The following NPR3 variants were observed in gnomAD, a reference collection of about 807,000 sequenced individuals.
The protein encoded by NPR3 is natriuretic peptide receptor 3.
NPR3 carries 34 observed loss-of-function variants against 54.5 expected under a neutral mutation model. That is an observed-to-expected ratio of 0.62 (90% confidence interval 0.47 to 0.83). The LOEUF (loss-of-function observed/expected upper bound fraction) is 0.83. Among genes scored for constraint, NPR3 ranks in the 40% least tolerant of loss-of-function variants. The pLI, the probability that NPR3 is intolerant of heterozygous loss-of-function variation, is 0.00. For synonymous variants in NPR3, 289 were observed against 297.1 expected (o/e 0.97, Z 0.28); for missense variants, 674 against 720.8 (o/e 0.94, Z 0.74).
At chr5:32,732,247 CAAAAAAAAAAAAAAA>C (rs34564234) in intron 2 of NPR3, among the ~76,000 whole-genome samples, 2 of 32,986 alleles carry the variant, frequency 6.1e-5, no homozygotes, top group Non-Finnish European at 1.2e-4. Context: ...GACTCCGTCT[CAAAAAAAAAAAAAAA>C]AAAAAAAAAA....
At chr5:32,743,074 GT>G (rs1218660608) in intron 3 of NPR3, among the ~76,000 whole-genome samples, 1 of 152,140 alleles carries the variant, frequency 6.6e-6, no homozygotes, top group East Asian at 1.9e-4. Context: ...TAACAATGAT[GT>G]TTTTAGTAAA....
Position 32,757,185 on chromosome 5 carries a change from G to T in NPR3, c.1060-17523G>T, listed in dbSNP as rs558250654. 2.8e-4 allele frequency among the ~76,000 whole-genome samples: 43 copies of T among 152,240 alleles called. 1 individual carries two copies. In the East Asian group the frequency reaches 7.7e-3, roughly 27 times the overall value. On this transcript the variant is annotated intron_variant, in intron 3 of 7. Transcript: ENST00000265074. Reference sequence around the variant, plus strand: ...TGGGGAAGGCATTGAATCTATAAATGACCTTGGGCAGTGTGGCCATTTTCA... The same window carrying T: ...TGGGGAAGGCATTGAATCTATAAATTACCTTGGGCAGTGTGGCCATTTTCA...
In NPR3 at chr5:32,711,987, C is replaced by G; in HGVS notation, c.211C>G (p.Arg71Gly). Residue 71 changes from arginine (R) to glycine (G), a missense_variant, in exon 1 of 8, where the codon CGG becomes GGG. By Grantham distance (125) the Arg-to-Gly change is moderately radical. Coordinates refer to ENST00000265074, the MANE Select transcript of NPR3 (RefSeq NM_001204375.2). ...QDDSYLFSLT[R>G]VRPAIEYALR... ...TGACTCGTACTTGTTTTCACTCACCCGGGTGCGGCCGGCCATCGAGTATGC... is the reference window on the plus strand; with the variant it reads ...TGACTCGTACTTGTTTTCACTCACCGGGGTGCGGCCGGCCATCGAGTATGC... The G allele has an allele frequency of 6.2e-7, 1 of 1,610,794 alleles. No individual in the cohort carries two copies. The highest frequency in any genetic ancestry group is 8.5e-7 in the Non-Finnish European group (1 of 1,178,446).
At chr5:32,772,479 C>T (rs1278093957) in intron 3 of NPR3, among the ~76,000 whole-genome samples, 2 of 152,208 alleles carry the variant, frequency 1.3e-5, no homozygotes, top group African/African-American at 4.8e-5. Context: ...CAGATGACCA[C>T]TTGAACTGCA....
chr5:32,737,396 A>C (rs1256085599), intron 2 of NPR3, among the ~76,000 whole-genome samples: 1 of 152,180 alleles, frequency 6.6e-6, no homozygotes, highest in Non-Finnish European at 1.5e-5. Flanking sequence ...TCTGATTCAC[A>C]CTGTCATAGA....
chr5:32,761,995 A>G (rs1445023947), intron 3 of NPR3, among the ~76,000 whole-genome samples: 2 of 151,958 alleles, frequency 1.3e-5, no homozygotes, highest in African/African-American at 2.4e-5. Flanking sequence ...CCCTGTGTCC[A>G]TGTGTTCTAA....
intron 1 of NPR3, among the ~76,000 whole-genome samples, chr5:32,693,777 T>C (rs540368578): frequency 6.6e-6 from 1 of 152,222 alleles, no homozygotes; most frequent in African/African-American, 2.4e-5. Flanking sequence ...AATAAGAGCA[T>C]TAAGCCCTGG....
Position 32,750,411 on chromosome 5 carries a change from C to T in NPR3, c.1059+11381C>T, listed in dbSNP as rs578201721. ...TCAGCCTTCCAAAGTGCTGGGATTA[C>T]AAACGGGAGCCACCCCTCCCGGCTT... On this transcript the variant is annotated intron_variant, in intron 3 of 7. Transcript: ENST00000265074. 2.8e-4 allele frequency among the ~76,000 whole-genome samples: 43 copies of T among 152,334 alleles called. No homozygotes were observed. In the South Asian group the frequency reaches 8.7e-3, roughly 31 times the overall value.
At chr5:32,781,279 T>A (rs1742326199) in intron 5 of NPR3, among the ~76,000 whole-genome samples, 1 of 152,178 alleles carries the variant, frequency 6.6e-6, no homozygotes, top group South Asian at 2.1e-4. Context: ...CTCAGTTTCC[T>A]CAGCTGTAAC....
intron 7 of NPR3, among the ~76,000 whole-genome samples, chr5:32,785,782 G>A (rs1209081659): frequency 6.6e-6 from 1 of 152,218 alleles, no homozygotes; most frequent in Non-Finnish European, 1.5e-5. Flanking sequence ...AATCTTTGGT[G>A]GTTGAGTTTG....
chr5:32,743,510 T>C (rs1057342483), intron 3 of NPR3, among the ~76,000 whole-genome samples: 5 of 152,248 alleles, frequency 3.3e-5, no homozygotes, highest in Admixed American at 3.3e-4. Flanking sequence ...TTCTTTATTC[T>C]GTTATAAAGT....
chr5:32,706,080 G>C (rs1487146013), upstream of NPR3, among the ~76,000 whole-genome samples: 1 of 152,070 alleles, frequency 6.6e-6, no homozygotes, highest in Non-Finnish European at 1.5e-5. Context: ...TCATGACTTG[G>C]TGCTGTCCTT....
At chr5:32,705,454 G>T, upstream of NPR3, among the ~76,000 whole-genome samples, 1 of 152,196 alleles carries the variant, frequency 6.6e-6, no homozygotes, top group East Asian at 1.9e-4. Context: ...GCAGGATGAT[G>T]GCAGTCTGCT....
At position 32,786,914 on chromosome 5, in the gene NPR3, C is replaced by G. The variant is rs1033670284; in HGVS notation, c.*569C>G. The G allele has an allele frequency of 1.3e-5, 2 of 152,810 alleles. No individual in the cohort carries two copies. Among genetic ancestry groups the G allele is most frequent in the Admixed American group, 6.5e-5 (1 of 15,270 alleles). The allele number at this position is 152,810 out of a possible 1,614,324, so 9.5% of individuals were successfully genotyped here. On this transcript the variant is annotated 3_prime_UTR_variant, in exon 8 of 8. Transcript: ENST00000265074. Reference sequence around the variant, plus strand: ...ACTTCATATCTTGAAAAAGGATTTCCTCCCTGTCTTTTTCAGTGTCTCATA... The same window carrying G: ...ACTTCATATCTTGAAAAAGGATTTCGTCCCTGTCTTTTTCAGTGTCTCATA...
At position 32,701,590 on chromosome 5, in the gene NPR3, C is replaced by T. The variant is rs181215870; in HGVS notation, c.100+12404C>T. On this transcript the variant is annotated intron_variant, in intron 1 of 5. Transcript: ENST00000509104. The stretch of plus-strand genomic sequence containing the variant: ...TTGTGGGTGTTTGTCAGTGTCTGGG[C>T]ATTGAAGAGTTAGGCATCTATTGTA... 1.5e-3 allele frequency among the ~76,000 whole-genome samples: 230 copies of T among 152,314 alleles called. 5 individuals carry two copies. The highest frequency in any genetic ancestry group is 0.012 in the Admixed American group (191 of 15,306).
At position 32,772,100 on chromosome 5, in the gene NPR3, A is replaced by G. The variant is rs552994429; in HGVS notation, c.1060-2608A>G. 2.1e-3 allele frequency among the ~76,000 whole-genome samples: 321 copies of G among 152,368 alleles called. 1 individual carries two copies. Among genetic ancestry groups the G allele is most frequent in the Non-Finnish European group, 3.9e-3 (266 of 68,032 alleles). The stretch of plus-strand genomic sequence containing the variant: ...TATTCCTTTGGAAAATCAAATTGGC[A>G]TAGCCAAATGAGCAGAAATTATCTT... On this transcript the variant is annotated intron_variant, in intron 3 of 7. Coordinates refer to ENST00000265074, the MANE Select transcript of NPR3 (RefSeq NM_001204375.2).
intron 7 of NPR3, among the ~76,000 whole-genome samples, chr5:32,785,845 G>C (rs968957253): frequency 7.2e-5 from 11 of 152,226 alleles, no homozygotes; most frequent in African/African-American, 2.7e-4. Context: ...GCATGGGATT[G>C]TAACTAGGCA....
intron 3 of NPR3, among the ~76,000 whole-genome samples, chr5:32,766,265 G>T (rs989080264): frequency 6.6e-6 from 1 of 152,216 alleles, no homozygotes; most frequent in Admixed American, 6.5e-5. Flanking sequence ...AGGGGAGAAA[G>T]CATGGCAGGA....
chr5:32,712,204 T>C lies in NPR3; in HGVS notation c.428T>C (p.Val143Ala). Residue 143 changes from valine to alanine, a missense_variant, in exon 1 of 8, where the codon GTG becomes GCG. Transcript: ENST00000265074. The part of the protein sequence containing the change: ...GPVCEYAAAP[V>A]ARLASHWDLP... ...GTGTGCGAGTATGCAGCAGCGCCAGTGGCCCGGCTTGCATCGCACTGGGAC... is the reference window on the plus strand; with the variant it reads ...GTGTGCGAGTATGCAGCAGCGCCAGCGGCCCGGCTTGCATCGCACTGGGAC... 1.2e-6 allele frequency: 2 copies of C among 1,612,772 alleles called. No homozygotes were observed. Among genetic ancestry groups the C allele is most frequent in the South Asian group, 1.1e-5 (1 of 91,036 alleles).
Sources: allele counts gnomAD v4.1 joint callset (sites outside exome capture counted in the v4.1 genomes callset), GRCh38; gene constraint gnomAD v4.1.1; transcripts MANE v1.5; gene names NCBI Gene and HGNC (gene_info 2026-07-23, HGNC 2026-07-21).